NME3: variants seen among roughly 807,000 people sequenced by gnomAD.
NME3 encodes the protein NME/NM23 nucleoside diphosphate kinase 3.
NME3 carries 23 observed loss-of-function variants against 15.8 expected under a neutral mutation model. The ratio of observed to expected loss-of-function variants is 1.45; its 90% CI spans 1.05 to 2.06. NME3 has a LOEUF of 2.06. NME3 is among the 30% of genes most tolerant of loss of function. The pLI, the probability that NME3 is intolerant of heterozygous loss-of-function variation, is 0.00. For missense variants in NME3, 354 were observed against 243.2 expected (o/e 1.46, Z -3.03); for synonymous variants, 157 against 104.4 (o/e 1.50, Z -3.07).
Position 1,770,500 on chromosome 16 carries a change from C to T in NME3, c.*149G>A, listed in dbSNP as rs1567221940. On this transcript the variant is annotated 3_prime_UTR_variant, in exon 5 of 5. Transcript: ENST00000219302. ...CGCCAGGGATTGGAGAGGCCTGCGC[C>T]ACCCTCCATGCAACGTCCAGACAGG... The T allele has an allele frequency of 1.6e-6, 1 of 612,700 alleles. No individual in the cohort carries two copies. Among genetic ancestry groups the T allele is most frequent in the East Asian group, 3.0e-5 (1 of 32,924 alleles). The allele number at this position is 612,700 out of a possible 1,614,324, so 38.0% of individuals were successfully genotyped here. A position where few individuals can be genotyped will look rare whatever the true frequency, so the allele number is the denominator to read the frequency against.
At position 1,770,725 on chromosome 16, in the gene NME3, C is replaced by G. The variant is rs369561097; in HGVS notation, c.434G>C (p.Arg145Pro). 3 of 1,593,470 alleles carry G rather than the reference C, an allele frequency of 1.9e-6. No individual in the cohort carries two copies. Among genetic ancestry groups the G allele is most frequent in the Admixed American group, 1.7e-5 (1 of 57,244 alleles). Residue 145 changes from arginine to proline, a missense_variant, in exon 5 of 5, where the codon CGC (arginine) becomes CCC (proline). Coordinates refer to ENST00000219302, the MANE Select transcript of NME3 (RefSeq NM_002513.3). ...HGSDSVESAR[R>P]EIALWFRADE... ...TGCGCGGAACCAGAGAGCGATCTCG[C>G]GGCGGGCACTCTCCACCGAGTCGCT...
Position 1,770,718 on chromosome 16 carries a change from G to T in NME3, c.441C>A (p.Ile147=), listed in dbSNP as rs1179556353. 1.3e-6 allele frequency: 2 copies of T among 1,593,092 alleles called. No homozygotes were observed. The highest frequency in any genetic ancestry group is 1.7e-5 in the Admixed American group (1 of 57,178). Residue 147 remains isoleucine (I), a synonymous_variant, in exon 5 of 5, where the codon ATC becomes ATA. Transcript: ENST00000219302. ...SDSVESARRE[I]ALWFRADELL... ...GCTCGTCTGCGCGGAACCAGAGAGCGATCTCGCGGCGGGCACTCTCCACCG... is the reference window on the plus strand; with the variant it reads ...GCTCGTCTGCGCGGAACCAGAGAGCTATCTCGCGGCGGGCACTCTCCACCG...
chr16:1,771,211 C>A, intron 2 of NME3, 40 bp from the exon 3 acceptor site: 1 of 1,575,236 alleles, frequency 6.3e-7, no homozygotes, highest in African/African-American at 1.3e-5. Flanking sequence ...CACCCGGCAC[C>A]TAGGCGTCCC....
intron 1 of NME3, 39 bp from the exon 2 acceptor site, chr16:1,771,449 G>A (rs556798168): frequency 5.7e-6 from 8 of 1,391,836 alleles, no homozygotes; most frequent in Non-Finnish European, 7.4e-6. Flanking sequence ...GGCCGGCCCA[G>A]CACCGGCCAC....
At position 1,770,520 on chromosome 16, in the gene NME3, G is replaced by A; in HGVS notation, c.*129C>T. The stretch of plus-strand genomic sequence containing the variant: ...TGCGCCACCCTCCATGCAACGTCCA[G>A]ACAGGTGGATGTTCAGCAGCCCGTC... On this transcript the variant is annotated 3_prime_UTR_variant, in exon 5 of 5. Coordinates refer to ENST00000219302, the MANE Select transcript of NME3 (RefSeq NM_002513.3). 1 of 690,744 alleles carries A rather than the reference G, an allele frequency of 1.4e-6. No homozygotes were observed. Among genetic ancestry groups the A allele is most frequent in the Non-Finnish European group, 2.3e-6 (1 of 427,916 alleles). The allele number at this position is 690,744 out of a possible 1,614,324, so 42.8% of individuals were successfully genotyped here.
Position 1,770,664 on chromosome 16 carries a change from G to A in NME3, c.495C>T (p.His165=), listed in dbSNP as rs754019082. The A allele has an allele frequency of 3.8e-6, 6 of 1,581,166 alleles. No individual in the cohort carries two copies. Among genetic ancestry groups the A allele is most frequent in the East Asian group, 2.3e-5 (1 of 43,374 alleles). ...ELLCWEDSAG[H]WLYE Reference sequence around the variant, plus strand: ...ATCTGCCGGGCTACTCATACAGCCAGTGCCCAGCGCTGTCCTCCCAGCAGA... The same window carrying A: ...ATCTGCCGGGCTACTCATACAGCCAATGCCCAGCGCTGTCCTCCCAGCAGA... Residue 165 remains histidine (H), a synonymous_variant, in exon 5 of 5, where the codon CAC becomes CAT. Transcript: ENST00000219302.
chr16:1,771,496 G>A lies in NME3; in HGVS notation c.39C>T (p.Phe13=), dbSNP rs971720438. 1.5e-6 allele frequency: 2 copies of A among 1,313,452 alleles called. No individual in the cohort carries two copies. The highest frequency in any genetic ancestry group is 1.9e-6 in the Non-Finnish European group (2 of 1,031,030). 81.4% of individuals were successfully genotyped at this position (1,313,452 alleles called of 1,614,324 possible). Reference sequence around the variant, plus strand: ...CCGCGCCGCGCGGCTCACCCGCGGGGAAGAGGTTAGCGAAGATGGTCAGCA... The same window carrying A: ...CCGCGCCGCGCGGCTCACCCGCGGGAAAGAGGTTAGCGAAGATGGTCAGCA... The part of the protein sequence containing the change: ...CLVLTIFANL[F]PAACTGAHER... The change falls in exon 1 of 5, where the codon TTC becomes TTT. Residue 13 remains phenylalanine (F), a synonymous_variant. Coordinates refer to ENST00000219302, the MANE Select transcript of NME3 (RefSeq NM_002513.3).
chr16:1,771,007 C>G lies in NME3; in HGVS notation c.280-14G>C. The stretch of plus-strand genomic sequence containing the variant: ...CCCCTGCCATACCTGTGCGGAGGAA[C>G]GGGCGCGGTATCACGCGGGGGTGGG... On this transcript the variant is annotated splice_polypyrimidine_tract_variant and intron_variant, in intron 3 of 4. Transcript: ENST00000219302. The G allele has an allele frequency of 6.3e-7, 1 of 1,592,702 alleles. No individual in the cohort carries two copies. The highest frequency in any genetic ancestry group is 8.6e-7 in the Non-Finnish European group (1 of 1,166,832).
rs771402590 is a variant in NME3 at position 1,770,867 on chromosome 16, G to A, written c.392+14C>T. On this transcript the variant is annotated intron_variant, in intron 4 of 4. Coordinates refer to ENST00000219302, the MANE Select transcript of NME3 (RefSeq NM_002513.3). Reference sequence around the variant, plus strand: ...GCCGGACGGGGCTGGGACCGTCCCCGGGGCGGGCCTTACTTGCCAACCTCG... The same window carrying A: ...GCCGGACGGGGCTGGGACCGTCCCCAGGGCGGGCCTTACTTGCCAACCTCG... 3 of 1,566,146 alleles carry A rather than the reference G, an allele frequency of 1.9e-6. No homozygotes were observed. Among genetic ancestry groups the A allele is most frequent in the Admixed American group, 1.8e-5 (1 of 56,404 alleles).
chr16:1,770,987 G>C lies in NME3; in HGVS notation c.286C>G (p.Gln96Glu), dbSNP rs750976722. 1 of 1,592,234 alleles carries C rather than the reference G, an allele frequency of 6.3e-7. No individual in the cohort carries two copies. The highest frequency in any genetic ancestry group is 1.7e-5 in the Admixed American group (1 of 58,894). Residue 96 changes from glutamine to glutamate, a missense_variant, in exon 4 of 5, where the codon CAG becomes GAG. Coordinates refer to ENST00000219302, the MANE Select transcript of NME3 (RefSeq NM_002513.3). Reference sequence around the variant, plus strand: ...GAGGTGCGCACCACGTCCAGCCCCTGCCATACCTGTGCGGAGGAACGGGCG... The same window carrying C: ...GAGGTGCGCACCACGTCCAGCCCCTCCCATACCTGTGCGGAGGAACGGGCG... ...ASGPVVAMVW[Q>E]GLDVVRTSRA...
chr16:1,770,484 T>C lies in NME3; in HGVS notation c.*165A>G, dbSNP rs1378065275. On this transcript the variant is annotated 3_prime_UTR_variant, in exon 5 of 5. Coordinates refer to ENST00000219302, the MANE Select transcript of NME3 (RefSeq NM_002513.3). ...GGCAGGAAACCCTGTACGCCAGGGA[T>C]TGGAGAGGCCTGCGCCACCCTCCAT... 1 of 532,420 alleles carries C rather than the reference T, an allele frequency of 1.9e-6. No homozygotes were observed. Among genetic ancestry groups the C allele is most frequent in the African/African-American group, 2.0e-5 (1 of 50,886 alleles). 33.0% of individuals were successfully genotyped at this position (532,420 alleles called of 1,614,324 possible). A position where few individuals can be genotyped will look rare whatever the true frequency, so the allele number is the denominator to read the frequency against.
At position 1,771,005 on chromosome 16, in the gene NME3, A is replaced by T; in HGVS notation, c.280-12T>A. 6.3e-7 allele frequency: 1 copy of T among 1,593,318 alleles called. No individual in the cohort carries two copies. Among genetic ancestry groups the T allele is most frequent in the Non-Finnish European group, 8.6e-7 (1 of 1,167,082 alleles). Reference sequence around the variant, plus strand: ...AGCCCCTGCCATACCTGTGCGGAGGAACGGGCGCGGTATCACGCGGGGGTG... The same window carrying T: ...AGCCCCTGCCATACCTGTGCGGAGGTACGGGCGCGGTATCACGCGGGGGTG... On this transcript the variant is annotated splice_polypyrimidine_tract_variant and intron_variant, in intron 3 of 4. Coordinates refer to ENST00000219302, the MANE Select transcript of NME3 (RefSeq NM_002513.3).
In NME3 at chr16:1,771,149, TCACG is replaced by T. The variant is rs970485218; in HGVS notation, c.196_199del (p.Arg66SerfsTer67). On this transcript the variant is annotated frameshift_variant, in exon 3 of 5. Coordinates refer to ENST00000219302, the MANE Select transcript of NME3 (RefSeq NM_002513.3). LOFTEE classifies it high-confidence loss of function. Reference sequence around the variant, plus strand: ...GCGTTCACGCAGCTCGGCGTAGTGCTCACGCAGCAGCTCCTCGGAGGCCTGCGGA... The same window carrying T: ...GCGTTCACGCAGCTCGGCGTAGTGCTCAGCAGCTCCTCGGAGGCCTGCGGA... 6.2e-7 allele frequency: 1 copy of T among 1,606,514 alleles called. No individual in the cohort carries two copies. Among genetic ancestry groups the T allele is most frequent in the Non-Finnish European group, 8.5e-7 (1 of 1,178,500 alleles).
At position 1,770,940 on chromosome 16, in the gene NME3, C is replaced by G. The variant is rs1456771401; in HGVS notation, c.333G>C (p.Thr111=). 6.3e-7 allele frequency: 1 copy of G among 1,588,946 alleles called. No homozygotes were observed. Among genetic ancestry groups the G allele is most frequent in the South Asian group, 1.1e-5 (1 of 89,322 alleles). The part of the protein sequence containing the change: ...VRTSRALIGA[T]NPADAPPGTI... The stretch of plus-strand genomic sequence containing the variant: ...TGCCGGGCGGGGCGTCGGCCGGGTT[C>G]GTGGCTCCGATGAGCGCCCGCGAGG... The change falls in exon 4 of 5, where the codon ACG becomes ACC. Residue 111 remains threonine, a synonymous_variant. Transcript: ENST00000219302.
chr16:1,770,646 G>T lies in NME3; in HGVS notation c.*3C>A, dbSNP rs2042563465. ...AGAGCCTCTGTGACGCGCATCTGCC[G>T]GGCTACTCATACAGCCAGTGCCCAG... On this transcript the variant is annotated 3_prime_UTR_variant, in exon 5 of 5. Coordinates refer to ENST00000219302, the MANE Select transcript of NME3 (RefSeq NM_002513.3). The T allele has an allele frequency of 1.3e-6, 2 of 1,571,246 alleles. No homozygotes were observed. The highest frequency in any genetic ancestry group is 1.8e-5 in the Admixed American group (1 of 55,692).
At chr16:1,771,251 G>A in intron 2 of NME3, 29 bp downstream of exon 2, 7 of 1,151,610 alleles carry the variant, frequency 6.1e-6, no homozygotes, top group Non-Finnish European at 8.8e-6. Flanking sequence ...CCCCCACACC[G>A]CGCCCCCGCT....
Position 1,770,909 on chromosome 16 carries a change from G to A in NME3, c.364C>T (p.Arg122Cys). ...NPADAPPGTI[R>C]GDFCIEVGKN... ...CCAACCTCGATGCAGAAATCCCCGC[G>A]GATGGTGCCGGGCGGGGCGTCGGCC... is the stretch of plus-strand genomic sequence containing the variant. Residue 122 changes from arginine to cysteine, a missense_variant, in exon 4 of 5, where the codon CGC becomes TGC. Physicochemically the swap from Arg to Cys is radical, Grantham distance 180 (BLOSUM62 -3). Transcript: ENST00000219302. 2 of 1,586,588 alleles carry A rather than the reference G, an allele frequency of 1.3e-6. No individual in the cohort carries two copies. The highest frequency in any genetic ancestry group is 8.6e-7 in the Non-Finnish European group (1 of 1,162,778).
Position 1,770,735 on chromosome 16 carries a change from T to C in NME3, c.424A>G (p.Ser142Gly), listed in dbSNP as rs758211959. 3.1e-6 allele frequency: 5 copies of C among 1,595,966 alleles called. No individual in the cohort carries two copies. The South Asian group carries it at 3.4e-5, about 11-fold the overall frequency. ...NLIHGSDSVE[S>G]ARREIALWFR... is the part of the protein sequence containing the mutation. ...CAGAGAGCGATCTCGCGGCGGGCAC[T>C]CTCCACCGAGTCGCTGCCGTGAATC... is the stretch of plus-strand genomic sequence containing the variant. The change falls in exon 5 of 5, where the codon AGT becomes GGT. Residue 142 changes from serine (S) to glycine (G), a missense_variant. Physicochemically the swap from Ser to Gly is moderately conservative, Grantham distance 56. Coordinates refer to ENST00000219302, the MANE Select transcript of NME3 (RefSeq NM_002513.3).
At position 1,771,087 on chromosome 16, in the gene NME3, C is replaced by T. The variant is rs745606813; in HGVS notation, c.262G>A (p.Gly88Arg). The T allele has an allele frequency of 1.2e-6, 2 of 1,608,888 alleles. No individual in the cohort carries two copies. Among genetic ancestry groups the T allele is most frequent in the Admixed American group, 1.7e-5 (1 of 59,844 alleles). Residue 88 changes from glycine (G) to arginine (R), a missense_variant, in exon 3 of 5, where the codon GGG becomes AGG. Transcript: ENST00000219302. Reference protein sequence around the residue: ...YGRLVKYMASGPVVAMVWQGL... With the variant: ...YGRLVKYMASRPVVAMVWQGL... ...ATACTCACCATGGCCACCACCGGCC[C>T]GGAGGCCATATACTTGACAAGGCGG...
Sources: allele counts gnomAD v4.1 joint callset, GRCh38; gene constraint gnomAD v4.1.1; transcripts MANE v1.5; gene names NCBI Gene and HGNC (gene_info 2026-07-23, HGNC 2026-07-21).